The following HIVEP2 variants were observed in gnomAD, a reference collection of about 807,000 sequenced individuals.
HIVEP2 encodes the protein transcription factor HIVEP2.
In HIVEP2, 14 loss-of-function variants were observed where a neutral mutation model predicts 180.7. The observed-to-expected ratio is 0.08, with a 90% CI of 0.05 to 0.12. The LOEUF is 0.12. Ranked by LOEUF, HIVEP2 falls within the 10% of genes least tolerant of loss-of-function variation. The pLI, the probability that HIVEP2 is intolerant of heterozygous loss-of-function variation, is 1.00. For missense variants in HIVEP2, 2,579 were observed against 3,008.5 expected, an observed-to-expected ratio of 0.86 and a Z score of 3.34; for synonymous variants, 1,184 against 1,136.4, an observed-to-expected ratio of 1.04 and a Z score of -0.84.
At chr6:142,934,895 C>T (rs1181084053) in intron 1 of HIVEP2, among the ~76,000 whole-genome samples, 1 of 152,180 alleles carries the variant, frequency 6.6e-6, no homozygotes, top group African/African-American at 2.4e-5. Flanking sequence ...CTCTTTCACA[C>T]CTAATTGATC....
chr6:142,835,347 TA>T (rs1322120940), intron 2 of HIVEP2, among the ~76,000 whole-genome samples: 1 of 152,192 alleles, frequency 6.6e-6, no homozygotes, highest in East Asian at 1.9e-4. Flanking sequence ...GAGGCACTGA[TA>T]AAACAGTCGC....
chr6:142,768,351 C>A, intron 6 of HIVEP2, 31 bp downstream of exon 6: 1 of 1,600,994 alleles, frequency 6.2e-7, no homozygotes, highest in East Asian at 2.2e-5. Context: ...CCTATAACTG[C>A]ACATTTTACA....
intron 1 of HIVEP2, among the ~76,000 whole-genome samples, chr6:142,895,044 A>G (rs1776948798): frequency 6.6e-6 from 1 of 152,242 alleles, no homozygotes; most frequent in African/African-American, 2.4e-5. Context: ...TCCATGACCA[A>G]AAATATCACA....
chr6:142,872,007 A>G (rs1201115239), intron 1 of HIVEP2, among the ~76,000 whole-genome samples: 1 of 152,122 alleles, frequency 6.6e-6, no homozygotes, highest in Non-Finnish European at 1.5e-5. Flanking sequence ...GTCCTCAGAA[A>G]GTTCTGTGGT....
intron 1 of HIVEP2, among the ~76,000 whole-genome samples, chr6:142,903,575 C>T (rs760601058): frequency 2.6e-5 from 4 of 152,050 alleles, no homozygotes; most frequent in Non-Finnish European, 4.4e-5. Context: ...CATTCCTGCT[C>T]GACCCCATAA....
chr6:142,879,172 TAC>T (rs1171659183), intron 1 of HIVEP2, among the ~76,000 whole-genome samples: 1 of 152,168 alleles, frequency 6.6e-6, no homozygotes, highest in Admixed American at 6.5e-5. Flanking sequence ...AGGCAATGGG[TAC>T]TCAGTGAAGC....
rs532495533 is a variant in HIVEP2, at chr6:142,927,223, G to A, written c.-641+17876C>T. Among the ~76,000 whole-genome samples the A allele has an allele frequency of 6.6e-5, 10 of 152,284 alleles. No homozygotes were observed. In the South Asian group the frequency reaches 2.1e-3, roughly 32 times the overall value. ...CTCCTCCACCGCCTGGATTTCCCACGGGGAGGAAAAGGCGTGCGTTTCCAG... is the reference window on the plus strand; with the variant it reads ...CTCCTCCACCGCCTGGATTTCCCACAGGGAGGAAAAGGCGTGCGTTTCCAG... On this transcript the variant is annotated intron_variant, in intron 1 of 9. Transcript: ENST00000367603.
chr6:142,813,198 T>A (rs1016640186), intron 2 of HIVEP2, among the ~76,000 whole-genome samples: 4 of 152,220 alleles, frequency 2.6e-5, no homozygotes, highest in Admixed American at 2.0e-4. Flanking sequence ...CAAATATACA[T>A]CAATAATGAA....
At chr6:142,905,830 A>C (rs1275372853) in intron 1 of HIVEP2, among the ~76,000 whole-genome samples, 2 of 152,226 alleles carry the variant, frequency 1.3e-5, no homozygotes, top group Non-Finnish European at 2.9e-5. Context: ...ACCAAGAAGC[A>C]ACATAAAAAA....
chr6:142,942,229 C>G (rs1778196191), intron 1 of HIVEP2, among the ~76,000 whole-genome samples: 1 of 151,834 alleles, frequency 6.6e-6, no homozygotes, highest in Non-Finnish European at 1.5e-5. Flanking sequence ...AATTCAAAAG[C>G]TGAAACCCAA....
At chr6:142,801,309 C>T (rs2114760107) in intron 2 of HIVEP2, among the ~76,000 whole-genome samples, 1 of 149,948 alleles carries the variant, frequency 6.7e-6, no homozygotes, top group Middle Eastern at 3.4e-3. Flanking sequence ...AAAATACATT[C>T]TCACCAGAAG....
At chr6:142,760,709 T>C (rs1038319105) in intron 8 of HIVEP2, 42 bp from the exon 9 acceptor site, 3 of 1,438,268 alleles carry the variant, frequency 2.1e-6, no homozygotes, top group Middle Eastern at 1.9e-4. Flanking sequence ...AAGATCCAAA[T>C]ATCAAGGTTA....
At chr6:142,825,883 C>G (rs997325494) in intron 2 of HIVEP2, among the ~76,000 whole-genome samples, 1 of 151,934 alleles carries the variant, frequency 6.6e-6, no homozygotes, top group Non-Finnish European at 1.5e-5. Context: ...TTTCAGCAGA[C>G]TTTCAACATG....
chr6:142,801,873 G>A (rs555737457), intron 2 of HIVEP2, among the ~76,000 whole-genome samples: 1 of 152,226 alleles, frequency 6.6e-6, no homozygotes, highest in Non-Finnish European at 1.5e-5. Flanking sequence ...TAGTTCATTT[G>A]TATTCATCTT....
At chr6:142,861,451 C>A (rs1042932978) in intron 1 of HIVEP2, among the ~76,000 whole-genome samples, 3 of 152,144 alleles carry the variant, frequency 2.0e-5, no homozygotes, top group African/African-American at 7.2e-5. Flanking sequence ...ATTGGAGGAA[C>A]TATAAGCAAA....
At chr6:142,938,865 A>T (rs1464033903) in intron 1 of HIVEP2, among the ~76,000 whole-genome samples, 1 of 152,198 alleles carries the variant, frequency 6.6e-6, no homozygotes, top group Non-Finnish European at 1.5e-5. Flanking sequence ...TTTCAAATAC[A>T]CTGCACTACA....
intron 1 of HIVEP2, among the ~76,000 whole-genome samples, chr6:142,931,754 T>C (rs1293993722): frequency 6.6e-6 from 1 of 152,226 alleles, no homozygotes; most frequent in East Asian, 1.9e-4. Flanking sequence ...TTTCATTTCA[T>C]TAAATTGTGT....
At chr6:142,905,510 T>C (rs190243541) in intron 1 of HIVEP2, among the ~76,000 whole-genome samples, 1,577 of 152,322 alleles carry the variant, frequency 0.01, 24 homozygotes, top group Middle Eastern at 0.027. Context: ...CAAAAGCTCA[T>C]GGAAAAAAAT....
chr6:142,894,522 A>G (rs1776936249), intron 1 of HIVEP2, among the ~76,000 whole-genome samples: 1 of 152,216 alleles, frequency 6.6e-6, no homozygotes, highest in African/African-American at 2.4e-5. Flanking sequence ...AGACAACTGT[A>G]ACTTTATAAA....
Sources: gnomAD v4.1 joint callset for allele counts (sites outside exome capture counted in the v4.1 genomes callset) on GRCh38, gnomAD v4.1.1 for gene constraint, MANE v1.5 for transcripts, NCBI Gene and HGNC (gene_info 2026-07-23, HGNC 2026-07-21) for gene names.